The following CNTLN variants were observed in gnomAD, a reference collection of about 807,000 sequenced individuals.
The protein encoded by CNTLN is centlein, also known as centlein, centrosomal protein.
In CNTLN, 212 loss-of-function variants were observed where a neutral mutation model predicts 180.0. The ratio of observed to expected loss-of-function variants is 1.18; its 90% CI spans 1.05 to 1.32. CNTLN has a LOEUF of 1.32. CNTLN is among the 40% of genes most tolerant of loss of function. The pLI is 0.00. For missense variants in CNTLN, 2,095 were observed against 1,610.9 expected, an observed-to-expected ratio of 1.30 and a Z score of -5.14; for synonymous variants, 722 against 563.1, an observed-to-expected ratio of 1.28 and a Z score of -3.99.
At chr9:17,385,478 G>A (rs556303878) in intron 13 of CNTLN, among the ~76,000 whole-genome samples, 200 of 152,144 alleles carry the variant, frequency 1.3e-3, no homozygotes, top group Non-Finnish European at 2.2e-3. Context: ...ATAAACTCTG[G>A]TATGGTTGAA....
At chr9:17,386,256 A>C (rs962268909) in intron 13 of CNTLN, among the ~76,000 whole-genome samples, 2 of 152,070 alleles carry the variant, frequency 1.3e-5, no homozygotes, top group African/African-American at 4.8e-5. Flanking sequence ...AAAAGAAAAA[A>C]TATAGAAAAT....
At chr9:17,430,834 A>G (rs1417455659) in intron 18 of CNTLN, among the ~76,000 whole-genome samples, 3 of 152,134 alleles carry the variant, frequency 2.0e-5, no homozygotes, top group Admixed American at 1.3e-4. Flanking sequence ...TATTTTATTT[A>G]TCATAATGTC....
At chr9:17,210,523 T>C (rs943039080) in intron 2 of CNTLN, among the ~76,000 whole-genome samples, 2 of 152,234 alleles carry the variant, frequency 1.3e-5, no homozygotes, top group Non-Finnish European at 2.9e-5. Context: ...GCAGTGAACA[T>C]ACGTGTGCAT....
intron 12 of CNTLN, among the ~76,000 whole-genome samples, chr9:17,343,606 A>G (rs1821652900): frequency 6.6e-6 from 1 of 152,176 alleles, no homozygotes; most frequent in South Asian, 2.1e-4. Context: ...CTTATCTTGA[A>G]AACTATTTTA....
intron 25 of CNTLN, among the ~76,000 whole-genome samples, chr9:17,496,474 G>T (rs185161103): frequency 6.6e-6 from 1 of 152,078 alleles, no homozygotes; most frequent in African/African-American, 2.4e-5. Context: ...ATCCCATTCA[G>T]GATGCTTCCA....
intron 23 of CNTLN, among the ~76,000 whole-genome samples, chr9:17,478,886 A>T (rs1832493791): frequency 6.6e-6 from 1 of 152,160 alleles, no homozygotes; most frequent in African/African-American, 2.4e-5. Context: ...GTTGTATGTT[A>T]AAAAATAGGT....
In CNTLN at chr9:17,484,403, G is replaced by GC; in HGVS notation, c.3967dup (p.Gln1323ProfsTer28). 6.2e-7 allele frequency: 1 copy of GC among 1,612,438 alleles called. No individual in the cohort carries two copies. Among genetic ancestry groups the GC allele is most frequent in the Non-Finnish European group, 8.5e-7 (1 of 1,179,468 alleles). ...CGCCTGTAAAACCTCAACCCATAAA[G>GC]CCCAGACCTTGGCAGCTTCTATCCT... On this transcript the variant is annotated frameshift_variant, in exon 24 of 26. Coordinates refer to ENST00000380647, the MANE Select transcript of CNTLN (RefSeq NM_017738.4). LOFTEE classifies it high-confidence loss of function.
At position 17,135,272 on chromosome 9, in the gene CNTLN, T is replaced by G. The variant is rs780347072; in HGVS notation, c.207T>G (p.Pro69=). 6.2e-7 allele frequency: 1 copy of G among 1,601,102 alleles called. No individual in the cohort carries two copies. The highest frequency in any genetic ancestry group is 1.1e-5 in the South Asian group (1 of 88,504). The change falls in exon 1 of 26, where the codon CCT becomes CCG. Residue 69 remains proline (P), a synonymous_variant. Transcript: ENST00000380647. ...GEEGSGGRRG[P]GGAAPAHAPL... is the part of the protein sequence containing the mutation. ...AAGGGTCAGGGGGCCGGCGAGGGCC[T>G]GGGGGGGCAGCTCCGGCTCATGCTC...
At chr9:17,239,460 G>T (rs1187938484) in intron 5 of CNTLN, among the ~76,000 whole-genome samples, 3 of 151,952 alleles carry the variant, frequency 2.0e-5, no homozygotes, top group African/African-American at 7.3e-5. Flanking sequence ...TAAAATACCA[G>T]GTTTTAGTTT....
At chr9:17,171,008 A>G (rs1010128244) in intron 2 of CNTLN, among the ~76,000 whole-genome samples, 3 of 152,192 alleles carry the variant, frequency 2.0e-5, no homozygotes, top group Middle Eastern at 3.2e-3. Flanking sequence ...GTAGTAGTCT[A>G]TATCATTTAG....
intron 18 of CNTLN, among the ~76,000 whole-genome samples, chr9:17,438,055 T>C (rs1829882724): frequency 6.6e-6 from 1 of 152,192 alleles, no homozygotes; most frequent in African/African-American, 2.4e-5. Context: ...CTGGTTTGGC[T>C]GTGGTTCTCA....
intron 12 of CNTLN, among the ~76,000 whole-genome samples, chr9:17,364,406 ATTATG>A (rs930480629): frequency 4.6e-5 from 7 of 151,854 alleles, no homozygotes; most frequent in Admixed American, 3.3e-4. Flanking sequence ...AATTTCTGGT[ATTATG>A]TTATTATTAT....
At chr9:17,225,598 C>T (rs190127662) in intron 2 of CNTLN, among the ~76,000 whole-genome samples, 58 of 152,012 alleles carry the variant, frequency 3.8e-4, no homozygotes, top group South Asian at 3.7e-3. Context: ...TTTCCCTTTT[C>T]CTCCTTTGCT....
chr9:17,516,289 C>T, the CNTLN span, among the ~76,000 whole-genome samples: 13 of 152,120 alleles, frequency 8.5e-5, no homozygotes, highest in Non-Finnish European at 1.3e-4. Context: ...TTCTATAGAC[C>T]GTAAGTCATG....
chr9:17,311,272 G>A (rs1326800767), intron 8 of CNTLN, among the ~76,000 whole-genome samples: 1 of 151,776 alleles, frequency 6.6e-6, no homozygotes, highest in Non-Finnish European at 1.5e-5. Context: ...TGATCCACCC[G>A]CCGTGGCCTT....
At chr9:17,396,555 TTC>T (rs905550100) in intron 15 of CNTLN, among the ~76,000 whole-genome samples, 2 of 152,188 alleles carry the variant, frequency 1.3e-5, no homozygotes, top group African/African-American at 4.8e-5. Context: ...CTAATAGTGA[TTC>T]TGTTTTAGAT....
At chr9:17,217,056 G>T (rs1319689358) in intron 2 of CNTLN, among the ~76,000 whole-genome samples, 1 of 152,226 alleles carries the variant, frequency 6.6e-6, no homozygotes, top group African/African-American at 2.4e-5. Context: ...TGTTCAAGGT[G>T]AGAGTACTTG....
chr9:17,344,442 C>T (rs190121500), intron 12 of CNTLN, among the ~76,000 whole-genome samples: 13 of 152,126 alleles, frequency 8.5e-5, no homozygotes, highest in East Asian at 3.9e-4. Flanking sequence ...TAAACTTTAA[C>T]GTAAGCTTTT....
chr9:17,429,110 G>C (rs1442897611), intron 18 of CNTLN, among the ~76,000 whole-genome samples: 1 of 151,916 alleles, frequency 6.6e-6, no homozygotes, highest in Non-Finnish European at 1.5e-5. Flanking sequence ...CCACTTTATA[G>C]TAATAATTAA....
Sources: gnomAD v4.1 joint callset for allele counts (sites outside exome capture counted in the v4.1 genomes callset) on GRCh38, gnomAD v4.1.1 for gene constraint, MANE v1.5 for transcripts, NCBI Gene and HGNC (gene_info 2026-07-23, HGNC 2026-07-21) for gene names.